Variants in RBFOX1 observed in about 807,000 individuals in gnomAD.
RBFOX1 encodes RNA binding protein fox-1 homolog 1.
A neutral mutation model predicts 57.7 loss-of-function variants in RBFOX1; 8 were observed. That is an observed-to-expected ratio of 0.14 (90% CI 0.08 to 0.25). The LOEUF (loss-of-function observed/expected upper bound fraction) is 0.25, where lower values mean the gene tolerates loss of function less well. Among genes scored for constraint, RBFOX1 ranks in the 10% least tolerant of loss-of-function variants. RBFOX1 has a pLI of 1.00. For missense variants in RBFOX1, 611 were observed against 548.5 expected (o/e 1.11, Z -1.14); for synonymous variants, 326 against 222.4 (o/e 1.47, Z -4.15).
intron 3 of RBFOX1, among the ~76,000 whole-genome samples, chr16:6,989,732 G>T (rs2091082867): frequency 1.3e-5 from 2 of 152,136 alleles, no homozygotes; most frequent in African/African-American, 2.4e-5. Flanking sequence ...AGGTGCTGTG[G>T]CTCACACCTG....
chr16:7,320,360 A>C (rs2096524880), intron 4 of RBFOX1, among the ~76,000 whole-genome samples: 1 of 152,174 alleles, frequency 6.6e-6, no homozygotes, highest in African/African-American at 2.4e-5. Context: ...TAGTTTACTC[A>C]GGTTAATGGC....
chr16:7,410,804 T>C (rs1370364440), intron 4 of RBFOX1, among the ~76,000 whole-genome samples: 1 of 151,340 alleles, frequency 6.6e-6, no homozygotes, highest in East Asian at 2.0e-4. Flanking sequence ...TGCATTTTCA[T>C]CAGGCTTGAG....
intron 12 of RBFOX1, among the ~76,000 whole-genome samples, chr16:7,660,927 A>T (rs1161803268): frequency 6.6e-6 from 1 of 151,768 alleles, no homozygotes; most frequent in Non-Finnish European, 1.5e-5. Context: ...ACAATACCCA[A>T]CTCTCTTTCA....
intron 2 of RBFOX1, among the ~76,000 whole-genome samples, chr16:6,561,502 G>C (rs2097178774): frequency 6.6e-6 from 1 of 152,184 alleles, no homozygotes; most frequent in Non-Finnish European, 1.5e-5. Context: ...CTGACTTATG[G>C]ATATGGGTTT....
intron 4 of RBFOX1, among the ~76,000 whole-genome samples, chr16:7,417,296 C>T (rs1014937403): frequency 1.4e-5 from 2 of 147,558 alleles, no homozygotes; most frequent in Non-Finnish European, 1.5e-5. Context: ...TCACTTGAAC[C>T]TGGGAGGTGG....
chr16:7,426,351 C>T (rs1267976112), intron 4 of RBFOX1, among the ~76,000 whole-genome samples: 1 of 152,176 alleles, frequency 6.6e-6, no homozygotes, highest in Non-Finnish European at 1.5e-5. Flanking sequence ...TTGCCAGTCA[C>T]CACTTAACAC....
chr16:7,212,918 C>G (rs1171265867), intron 4 of RBFOX1, among the ~76,000 whole-genome samples: 1 of 152,138 alleles, frequency 6.6e-6, no homozygotes, highest in African/African-American at 2.4e-5. Context: ...TTACATGTAA[C>G]CTAGTATCTA....
At chr16:5,711,393 T>G (rs925386255) in intron 3 of RBFOX1, among the ~76,000 whole-genome samples, 1 of 152,220 alleles carries the variant, frequency 6.6e-6, no homozygotes, top group Non-Finnish European at 1.5e-5. Flanking sequence ...ATTTCAGAGT[T>G]CATGTCCTTA....
chr16:7,407,373 GGTGTGTGTGTGT>G (rs77358035), intron 4 of RBFOX1, among the ~76,000 whole-genome samples: 11 of 149,662 alleles, frequency 7.3e-5, no homozygotes, highest in South Asian at 4.2e-4. Flanking sequence ...GATTTGTATG[GGTGTGTGTGTGT>G]GTGTGTGTGT....
At chr16:6,426,059 T>C (rs750412787) in intron 2 of RBFOX1, among the ~76,000 whole-genome samples, 3 of 147,318 alleles carry the variant, frequency 2.0e-5, no homozygotes, top group Non-Finnish European at 4.4e-5. Context: ...GCTAGCTGTT[T>C]CTCTGTCTCT....
At chr16:6,185,220 T>C (rs1330886950) in intron 1 of RBFOX1, among the ~76,000 whole-genome samples, 1 of 152,204 alleles carries the variant, frequency 6.6e-6, no homozygotes, top group Non-Finnish European at 1.5e-5. Context: ...TGTGACTCTA[T>C]TTCCTCTCCA....
intron 2 of RBFOX1, among the ~76,000 whole-genome samples, chr16:6,485,577 A>G (rs540021573): frequency 6.6e-6 from 1 of 152,274 alleles, no homozygotes; most frequent in African/African-American, 2.4e-5. Context: ...CTCACCTGCA[A>G]GAATTATTTA....
intron 3 of RBFOX1, among the ~76,000 whole-genome samples, chr16:6,917,945 T>G (rs1048396657): frequency 2.6e-5 from 4 of 152,144 alleles, no homozygotes; most frequent in African/African-American, 9.7e-5. Context: ...TTACTCAACC[T>G]AAGTCTCAGG....
At chr16:7,634,265 G>A (rs1568202617) in intron 11 of RBFOX1, among the ~76,000 whole-genome samples, 1 of 152,116 alleles carries the variant, frequency 6.6e-6, no homozygotes, top group African/African-American at 2.4e-5. Context: ...GAAGGTGTGT[G>A]TAAATTACAC....
intron 3 of RBFOX1, among the ~76,000 whole-genome samples, chr16:6,871,542 C>T (rs975451859): frequency 6.6e-6 from 1 of 152,080 alleles, no homozygotes; most frequent in African/African-American, 2.4e-5. Flanking sequence ...GAGATCAACT[C>T]CAGTGGTTTA....
intron 1 of RBFOX1, among the ~76,000 whole-genome samples, chr16:6,164,383 C>A (rs1213059045): frequency 2.0e-5 from 3 of 151,858 alleles, no homozygotes; most frequent in Non-Finnish European, 4.4e-5. Context: ...CTATTTGTAT[C>A]CTGAGGAATC....
rs769165709 is a variant in RBFOX1, at chr16:5,776,289, T to C, written c.319-91014T>C. Among the ~76,000 whole-genome samples, 8 of 152,226 alleles carry C rather than the reference T, an allele frequency of 5.3e-5. No individual in the cohort carries two copies. The East Asian group carries it at 1.5e-3, about 29-fold the overall frequency. On this transcript the variant is annotated intron_variant, in intron 3 of 19. Coordinates refer to the RBFOX1 transcript ENST00000641259. ...TGCAGTACCCCATTCTGGGGAAGTG[T>C]CTTATGTAATATTTTCTCACAGGCC...
intron 4 of RBFOX1, among the ~76,000 whole-genome samples, chr16:7,188,958 C>T (rs1295406261): frequency 1.3e-5 from 2 of 152,124 alleles, no homozygotes; most frequent in Non-Finnish European, 2.9e-5. Flanking sequence ...GCCTGGGTAG[C>T]TTGATAAACC....
At chr16:6,440,716 G>T (rs970566825) in intron 2 of RBFOX1, among the ~76,000 whole-genome samples, 1 of 151,312 alleles carries the variant, frequency 6.6e-6, no homozygotes, top group Non-Finnish European at 1.5e-5. Context: ...CAGGAGAATC[G>T]CTTGAACTTG....
Sources: gnomAD v4.1 joint callset for allele counts (sites outside exome capture counted in the v4.1 genomes callset) on GRCh38, gnomAD v4.1.1 for gene constraint, MANE v1.5 for transcripts, NCBI Gene and HGNC (gene_info 2026-07-23, HGNC 2026-07-21) for gene names.